Variants in VAV2 observed in about 807,000 individuals in gnomAD.
VAV2 encodes the protein vav guanine nucleotide exchange factor 2, also known as guanine nucleotide exchange factor VAV2.
Under a neutral mutation model 132.5 loss-of-function variants are expected in VAV2, and 67 were observed. That is an observed-to-expected ratio of 0.51 (90% CI 0.42 to 0.62). VAV2 has a LOEUF of 0.62. Ranked by LOEUF, VAV2 falls within the 20% of genes least tolerant of loss-of-function variation. The pLI is 0.00. For missense variants in VAV2, 938 were observed against 1,153.6 expected, an observed-to-expected ratio of 0.81 and a Z score of 2.71; for synonymous variants, 492 against 443.5, an observed-to-expected ratio of 1.11 and a Z score of -1.37.
chr9:133,779,821 G>C (rs907025763), intron 21 of VAV2, 97 bp downstream of exon 21: 5 of 1,507,266 alleles, frequency 3.3e-6, no homozygotes, highest in Non-Finnish European at 4.5e-6. Context: ...TCTGGTGGCT[G>C]GGCAGACCTG....
intron 2 of VAV2, among the ~76,000 whole-genome samples, chr9:133,869,502 C>G (rs1469705089): frequency 1.3e-5 from 2 of 151,998 alleles, no homozygotes; most frequent in Non-Finnish European, 2.9e-5. Flanking sequence ...CCTGGCTACT[C>G]GGGAGGCTGA....
intron 2 of VAV2, among the ~76,000 whole-genome samples, chr9:133,916,187 G>A (rs537913904): frequency 7.5e-4 from 115 of 152,348 alleles, no homozygotes; most frequent in South Asian, 1.7e-3. Context: ...GCTCAAACAC[G>A]CCTCTCTGCT....
chr9:133,882,683 C>T (rs957668484), intron 2 of VAV2, among the ~76,000 whole-genome samples: 2 of 152,094 alleles, frequency 1.3e-5, no homozygotes, highest in East Asian at 3.9e-4. Context: ...CCTTGTTTTG[C>T]GGCACCAGGT....
Position 133,784,962 on chromosome 9 carries a change from G to T in VAV2, c.1533-544C>A, listed in dbSNP as rs137909274. On this transcript the variant is annotated intron_variant, in intron 17 of 29. Transcript: ENST00000371850. ...GTCGCTTCAGCTTCCATGAACGCTT[G>T]AACTTTTGCACAATAGGATGTTGGG... 7.9e-3 allele frequency among the ~76,000 whole-genome samples: 1,202 copies of T among 152,184 alleles called. 29 individuals carry two copies. Among genetic ancestry groups the T allele is most frequent in the Admixed American group, 0.043 (655 of 15,280 alleles).
intron 2 of VAV2, among the ~76,000 whole-genome samples, chr9:133,908,190 C>T (rs1474449849): frequency 2.0e-5 from 3 of 151,942 alleles, no homozygotes; most frequent in Non-Finnish European, 4.4e-5. Flanking sequence ...GGTAGCCCTC[C>T]CCTTTGAAGT....
intron 4 of VAV2, among the ~76,000 whole-genome samples, chr9:133,820,478 C>G (rs915054811): frequency 6.6e-6 from 1 of 152,130 alleles, no homozygotes; most frequent in Non-Finnish European, 1.5e-5. Context: ...TGCCCAGCAC[C>G]ACGCCCGGCT....
intron 1 of VAV2, among the ~76,000 whole-genome samples, chr9:133,966,511 G>T (rs920446513): frequency 6.6e-5 from 10 of 152,180 alleles, no homozygotes; most frequent in Admixed American, 6.5e-4. Flanking sequence ...TTCGAGACTG[G>T]CCTGTGCAAT....
chr9:133,963,322 C>T (rs1420689582), intron 1 of VAV2, among the ~76,000 whole-genome samples: 1 of 152,128 alleles, frequency 6.6e-6, no homozygotes, highest in Non-Finnish European at 1.5e-5. Context: ...CCAGGAAACG[C>T]CACTGACCAG....
At chr9:133,958,977 G>A (rs1292190005) in intron 1 of VAV2, among the ~76,000 whole-genome samples, 2 of 152,200 alleles carry the variant, frequency 1.3e-5, no homozygotes, top group Non-Finnish European at 2.9e-5. Context: ...TTTGGAGGAG[G>A]CGGTGGGGGC....
intron 4 of VAV2, among the ~76,000 whole-genome samples, chr9:133,820,607 G>A (rs1291228246): frequency 6.6e-6 from 1 of 152,196 alleles, no homozygotes; most frequent in Admixed American, 6.5e-5. Context: ...TTACAGGCGT[G>A]AGCCACCGCG....
chr9:133,907,106 C>T (rs75444539), intron 2 of VAV2, among the ~76,000 whole-genome samples: 7,226 of 152,286 alleles, frequency 0.047, 519 homozygotes, highest in African/African-American at 0.16. Context: ...TTGTCCATAC[C>T]TCCTTCAGCC....
At chr9:133,975,112 G>C (rs1004567212) in intron 1 of VAV2, among the ~76,000 whole-genome samples, 6 of 152,146 alleles carry the variant, frequency 3.9e-5, no homozygotes, top group Non-Finnish European at 8.8e-5. Context: ...CCGTTTCACA[G>C]AATGAAGGGA....
intron 20 of VAV2, 65 bp downstream of exon 20, chr9:133,780,629 G>A (rs1470579061): frequency 8.4e-7 from 1 of 1,186,770 alleles, no homozygotes; most frequent in Non-Finnish European, 1.1e-6. Context: ...GGTCTTTCTG[G>A]CTCTGCGCAC....
rs756703548 is a variant in VAV2, at chr9:133,992,156, G to A, written c.123C>T (p.Val41=). The change falls in exon 1 of 30, where the codon GTC becomes GTT. Residue 41 remains valine (V), a synonymous_variant. Coordinates refer to ENST00000371850, the MANE Select transcript of VAV2 (RefSeq NM_001134398.2). The surrounding 1 kb of genome is among the most constrained non-coding windows in gnomAD (Gnocchi z 5.5). The stretch of plus-strand genomic sequence containing the variant: ...GGTTGTGCAGCAGCTGGCACAGAAG[G>A]ACCCCGTCGCGCAGCGCCTGCGCCA... ...FDLAQALRDG[V]LLCQLLHNLS... The A allele has an allele frequency of 1.3e-6, 2 of 1,594,290 alleles. No homozygotes were observed. The highest frequency in any genetic ancestry group is 1.7e-5 in the Admixed American group (1 of 58,092).
In VAV2 at chr9:133,840,489, C is replaced by T. The variant is rs916504514; in HGVS notation, c.381-6149G>A. ...GCCCCCAACAGGCCTTCCCCATGAG[C>T]TCAATTCTGGGCAGGACAATCACAG... is the stretch of plus-strand genomic sequence containing the variant. On this transcript the variant is annotated intron_variant, in intron 3 of 29. Transcript: ENST00000371850. The surrounding 1 kb of genome is among the most constrained non-coding windows in gnomAD (Gnocchi z 4.5). Among the ~76,000 whole-genome samples the T allele has an allele frequency of 6.6e-6, 1 of 152,186 alleles. No homozygotes were observed. Among genetic ancestry groups the T allele is most frequent in the Admixed American group, 6.5e-5 (1 of 15,278 alleles).
rs867575518 is a variant in VAV2, at chr9:133,828,469, C to T, written c.449+5803G>A. Among the ~76,000 whole-genome samples, 86 of 118,364 alleles carry T rather than the reference C, an allele frequency of 7.3e-4. 4 individuals are homozygous for T. The highest frequency in any genetic ancestry group is 1.1e-3 in the African/African-American group (32 of 29,238). 77.7% of individuals were successfully genotyped at this position (118,364 alleles called of 152,430 possible). ...ACTGACCACGGGCATCGCCAGCTAC[C>T]GCTGCGCCCACTGGGGCTGACCACT... On this transcript the variant is annotated intron_variant, in intron 4 of 29. Transcript: ENST00000371850.
intron 10 of VAV2, 116 bp downstream of exon 10, chr9:133,797,594 C>CGTGA (rs1834768273): frequency 1.1e-6 from 1 of 877,316 alleles, no homozygotes; most frequent in Non-Finnish European, 1.7e-6. Flanking sequence ...TACGTCATCA[C>CGTGA]CCCCATCACC....
intron 3 of VAV2, among the ~76,000 whole-genome samples, chr9:133,847,311 G>A (rs988145280): frequency 2.6e-5 from 4 of 152,192 alleles, no homozygotes; most frequent in African/African-American, 7.2e-5. Context: ...GAAAACCCAG[G>A]ACCCCGCAGC....
At chr9:133,796,699 G>A (rs931223376) in intron 10 of VAV2, among the ~76,000 whole-genome samples, 175 bp from the exon 11 acceptor site, 3 of 152,154 alleles carry the variant, frequency 2.0e-5, no homozygotes, top group Non-Finnish European at 4.4e-5. Flanking sequence ...GTGCAGAGGG[G>A]GGGGCTTCAC....
Sources: allele counts gnomAD v4.1 joint callset (sites outside exome capture counted in the v4.1 genomes callset), GRCh38; gene constraint gnomAD v4.1.1; non-coding constraint Gnocchi (gnomAD v3.1); transcripts MANE v1.5; gene names NCBI Gene and HGNC (gene_info 2026-07-23, HGNC 2026-07-21).